LAMB1: variants seen among roughly 807,000 people sequenced by gnomAD.
LAMB1 encodes laminin subunit beta-1.
Under a neutral mutation model 222.3 loss-of-function variants are expected in LAMB1, and 121 were observed. The ratio of observed to expected loss-of-function variants is 0.54; its 90% CI spans 0.47 to 0.63. LAMB1 has a LOEUF of 0.63. LAMB1 is among the 30% of genes least tolerant of loss of function. LAMB1 has a pLI of 0.00. For synonymous variants in LAMB1, 794 were observed against 807.2 expected, an observed-to-expected ratio of 0.98 and a Z score of 0.28; for missense variants, 2,172 against 2,240.8, an observed-to-expected ratio of 0.97 and a Z score of 0.62.
At chr7:108,002,305 G>A (rs889128247) in intron 2 of LAMB1, 12 of 1,317,416 alleles carry the variant, frequency 9.1e-6, no homozygotes, top group Non-Finnish European at 1.2e-5. Context: ...CGGAGCTAGG[G>A]GAGCCCATGG....
intron 24 of LAMB1, among the ~76,000 whole-genome samples, chr7:107,948,686 A>T (rs1291111393): frequency 6.6e-6 from 1 of 152,158 alleles, no homozygotes; most frequent in African/African-American, 2.4e-5. Flanking sequence ...TGAGGAGATG[A>T]GAAGGGACTT....
At position 107,952,081 on chromosome 7, in the gene LAMB1, C is replaced by A. The variant is rs1338981050; in HGVS notation, c.3222G>T (p.Gln1074His). Residue 1074 changes from glutamine to histidine, a missense_variant, in exon 23 of 34, where the codon CAG becomes CAT. Gln to His is a conservative substitution (Grantham distance 24). Transcript: ENST00000222399. ...NCDRCAPNTW[Q>H]LASGTGCDPC... ...GGTCACAGCCAGTGCCACTGGCCAG[C>A]TGCCAGGTATTGGGCGCACAGCGGT... 6.2e-7 allele frequency: 1 copy of A among 1,614,114 alleles called. No homozygotes were observed. The highest frequency in any genetic ancestry group is 8.5e-7 in the Non-Finnish European group (1 of 1,180,006).
At chr7:107,951,427 T>A in intron 23 of LAMB1, 105 bp from the exon 24 acceptor site, 1 of 962,448 alleles carries the variant, frequency 1.0e-6, no homozygotes, top group Non-Finnish European at 1.6e-6. Context: ...ACTGTTTACC[T>A]GAGAAGGTCT....
intron 24 of LAMB1, among the ~76,000 whole-genome samples, chr7:107,946,160 A>G (rs2033111655): frequency 6.6e-6 from 1 of 152,216 alleles, no homozygotes; most frequent in African/African-American, 2.4e-5. Context: ...CTTGCCTCAA[A>G]GCAACGTGGG....
At chr7:107,959,162 G>A (rs913541070) in intron 20 of LAMB1, 87 bp downstream of exon 20, 1 of 1,013,858 alleles carries the variant, frequency 9.9e-7, no homozygotes, top group Admixed American at 2.0e-5. Context: ...GCTGAAGCCT[G>A]GTGGAGATGA....
intron 24 of LAMB1, among the ~76,000 whole-genome samples, chr7:107,950,293 G>C (rs2237696): frequency 0.66 from 99,677 of 151,874 alleles, 32,773 homozygotes; most frequent in East Asian, 0.84. Flanking sequence ...ACAAATATAC[G>C]AAAGAGCACT....
Position 107,935,590 on chromosome 7 carries a change from G to A in LAMB1, c.4013C>T (p.Ser1338Phe). ...CACAGTGCTGTTGGGTTCTGTGGTG[G>A]AGGCATTCACCCTCTCCTCTGCCTC... ...SLEAEERVNA[S>F]TTEPNSTVEQ... The change falls in exon 27 of 34, where the codon TCC (serine) becomes TTC (phenylalanine). Residue 1338 changes from serine (S) to phenylalanine (F), a missense_variant. Physicochemically the swap from Ser to Phe is radical, Grantham distance 155. Transcript: ENST00000222399. 6.2e-7 allele frequency: 1 copy of A among 1,613,708 alleles called. No homozygotes were observed. Among genetic ancestry groups the A allele is most frequent in the Non-Finnish European group, 8.5e-7 (1 of 1,179,788 alleles).
intron 13 of LAMB1, among the ~76,000 whole-genome samples, chr7:107,965,309 G>T (rs563280004): frequency 3.9e-5 from 6 of 152,218 alleles, no homozygotes; most frequent in Non-Finnish European, 7.3e-5. Context: ...GCTGGGCACG[G>T]TGGCTCACGC....
intron 12 of LAMB1, among the ~76,000 whole-genome samples, chr7:107,974,702 C>T (rs1261114086): frequency 6.6e-6 from 1 of 152,144 alleles, no homozygotes; most frequent in African/African-American, 2.4e-5. Flanking sequence ...AGTAGCAGTA[C>T]CTCATGATAT....
At chr7:107,989,169 G>A (rs541107777) in intron 5 of LAMB1, among the ~76,000 whole-genome samples, 8 of 152,330 alleles carry the variant, frequency 5.3e-5, no homozygotes, top group Non-Finnish European at 1.2e-4. Context: ...TTAGGAGGGT[G>A]TAGTGAACAG....
chr7:107,962,629 G>A (rs971569536), intron 15 of LAMB1, among the ~76,000 whole-genome samples: 8 of 150,676 alleles, frequency 5.3e-5, no homozygotes, highest in Admixed American at 4.0e-4. Flanking sequence ...CAGGAGAATC[G>A]CTTGAACCCG....
At position 107,986,017 on chromosome 7, in the gene LAMB1, C is replaced by T. The variant is rs954074794; in HGVS notation, c.676+5G>A. On this transcript the variant is annotated splice_donor_5th_base_variant and intron_variant, in intron 7 of 33. Transcript: ENST00000222399. ...AAAAACACTTTTGTTTGAAAATGAA[C>T]TTACTCTGTATCCTTGGGCTATAAG... The T allele has an allele frequency of 6.3e-7, 1 of 1,595,976 alleles. No homozygotes were observed. The highest frequency in any genetic ancestry group is 8.6e-7 in the Non-Finnish European group (1 of 1,164,408).
At chr7:107,980,846 C>A in intron 7 of LAMB1, 35 bp from the exon 8 acceptor site, 1 of 1,345,616 alleles carries the variant, frequency 7.4e-7, no homozygotes, top group Non-Finnish European at 1.0e-6. Context: ...AAAGTCTGAT[C>A]AGACAAGCAA....
At chr7:107,982,330 A>G (rs2033988403) in intron 7 of LAMB1, among the ~76,000 whole-genome samples, 1 of 152,238 alleles carries the variant, frequency 6.6e-6, no homozygotes, top group African/African-American at 2.4e-5. Flanking sequence ...AAATTACAAC[A>G]TAAGACAACA....
chr7:107,942,383 G>A (rs772526562), intron 24 of LAMB1: 2 of 152,230 alleles, frequency 1.3e-5, no homozygotes, highest in Non-Finnish European at 2.9e-5. Flanking sequence ...TTTCAACCCA[G>A]AGGTGTGTGT....
chr7:108,002,261 CGA>C, intron 2 of LAMB1: 3 of 1,311,130 alleles, frequency 2.3e-6, no homozygotes, highest in Non-Finnish European at 3.0e-6. Flanking sequence ...TCGCTGGGGA[CGA>C]GGCGCCGGGG....
At position 107,994,901 on chromosome 7, in the gene LAMB1, T is replaced by C. The variant is rs987920878; in HGVS notation, c.409A>G (p.Ile137Val). The change falls in exon 5 of 34, where the codon ATA (isoleucine) becomes GTA (valine). Residue 137 changes from isoleucine to valine, a missense_variant. Ile to Val is a conservative substitution (Grantham distance 29). Transcript: ENST00000222399. ...GGATTTCTTACCTTGAAAGTCATTA[T>C]GAGATGAGTAAAATGGAATTCTGCT... ...LEAEFHFTHL[I>V]MTFKTFRPAA... 3.1e-6 allele frequency: 5 copies of C among 1,594,762 alleles called. No individual in the cohort carries two copies. Among genetic ancestry groups the C allele is most frequent in the African/African-American group, 2.7e-5 (2 of 74,548 alleles).
rs373505709 is a variant in LAMB1, at chr7:107,960,696, T to C, written c.2110-47A>G. 1.6e-5 allele frequency: 24 copies of C among 1,540,924 alleles called. No individual in the cohort carries two copies. In the African/African-American group the frequency reaches 1.8e-4, roughly 11 times the overall value. On this transcript the variant is annotated intron_variant, in intron 17 of 33. Transcript: ENST00000222399. The stretch of plus-strand genomic sequence containing the variant: ...CAAACATCCTTACAGTGGTGCCCCA[T>C]GGCATGGGTTTAAGCAAGCAAACGT...
At chr7:107,974,347 T>A (rs1335101765) in intron 12 of LAMB1, among the ~76,000 whole-genome samples, 1 of 149,744 alleles carries the variant, frequency 6.7e-6, no homozygotes. Flanking sequence ...ACTATTCATA[T>A]CCTGTGTGTG....
Sources: gnomAD v4.1 joint callset for allele counts (sites outside exome capture counted in the v4.1 genomes callset) on GRCh38, gnomAD v4.1.1 for gene constraint, MANE v1.5 for transcripts, NCBI Gene and HGNC (gene_info 2026-07-23, HGNC 2026-07-21) for gene names.